The following UTY variants were observed in gnomAD, a reference collection of about 807,000 sequenced individuals.
UTY encodes histone demethylase UTY.
UTY carries 12 observed loss-of-function variants against 32.5 expected under a neutral mutation model. The observed-to-expected ratio is 0.37, with a 90% CI of 0.24 to 0.60. The LOEUF is 0.60. Ranked by LOEUF, UTY falls within the 20% of genes least tolerant of loss-of-function variation. The probability of loss-of-function intolerance (pLI) is 0.69; values close to 1 mark genes in which losing one functional copy is unlikely to be tolerated. For synonymous variants in UTY, 131 were observed against 103.4 expected, an observed-to-expected ratio of 1.27 and a Z score of -1.62; for missense variants, 303 against 299.2, an observed-to-expected ratio of 1.01 and a Z score of -0.09.
intron 27 of UTY, among the ~76,000 whole-genome samples, chrY:13,289,680 C>T: frequency 3.0e-5 from 1 of 33,758 alleles, no homozygotes; most frequent in East Asian, 7.7e-4. Flanking sequence ...TCTACAACTA[C>T]GTCTCTGAGA....
intron 4 of UTY, among the ~76,000 whole-genome samples, chrY:13,448,076 T>G: frequency 2.9e-5 from 1 of 33,904 alleles, no homozygotes; most frequent in Non-Finnish European, 7.4e-5. Context: ...CTAGAGTGGT[T>G]GCATCATTTT....
At chrY:13,434,671 A>G (rs2074365553) in intron 4 of UTY, among the ~76,000 whole-genome samples, 1 of 34,223 alleles carries the variant, frequency 2.9e-5, no homozygotes, top group African/African-American at 1.1e-4. Context: ...TCAAAAGGAT[A>G]AAACACACAT....
At chrY:13,272,816 G>A in intron 27 of UTY, among the ~76,000 whole-genome samples, 1 of 33,272 alleles carries the variant, frequency 3.0e-5, no homozygotes, top group Admixed American at 2.7e-4. Flanking sequence ...TCACTGCTGT[G>A]ACCTATACCT....
chrY:13,405,945 G>A, intron 6 of UTY, among the ~76,000 whole-genome samples: 3 of 32,379 alleles, frequency 9.3e-5, no homozygotes, highest in Admixed American at 8.6e-4. Flanking sequence ...AATCGTGTTC[G>A]ATGAATTTTA....
chrY:13,468,905 G>A (rs2078183273), intron 3 of UTY, among the ~76,000 whole-genome samples: 1 of 32,902 alleles, frequency 3.0e-5, no homozygotes, highest in African/African-American at 1.2e-4. Context: ...AACAAAAAAT[G>A]AGGTACATCA....
At chrY:13,372,400 T>G (rs956549404) in intron 8 of UTY, among the ~76,000 whole-genome samples, 19 of 33,092 alleles carry the variant, frequency 5.7e-4, no homozygotes, top group Admixed American at 5.0e-3. Flanking sequence ...AATATCCACA[T>G]TGAAAATAAT....
At chrY:13,464,810 T>A in intron 3 of UTY, among the ~76,000 whole-genome samples, 1 of 33,384 alleles carries the variant, frequency 3.0e-5, no homozygotes, top group Non-Finnish European at 7.4e-5. Flanking sequence ...CTGAGTGCAG[T>A]GGCTCACACC....
intron 27 of UTY, among the ~76,000 whole-genome samples, chrY:13,266,145 G>GT (rs2055764683): frequency 3.1e-5 from 1 of 32,552 alleles, no homozygotes; most frequent in Non-Finnish European, 7.6e-5. Flanking sequence ...CTGGTGCTGA[G>GT]TTTTTTTTGG....
intron 28 of UTY, among the ~76,000 whole-genome samples, chrY:13,242,892 G>C: frequency 3.0e-5 from 1 of 32,983 alleles, no homozygotes; most frequent in Non-Finnish European, 7.4e-5. Flanking sequence ...AGTGGTGGGA[G>C]AAATTGTAGG....
chrY:13,238,507 A>G (rs894052589), intron 28 of UTY, among the ~76,000 whole-genome samples: 3 of 33,362 alleles, frequency 9.0e-5, no homozygotes, highest in African/African-American at 3.5e-4. Context: ...CAGCATCAGA[A>G]TAAGTCACCT....
At chrY:13,358,695 T>C (rs534697007) in intron 13 of UTY, 76 bp from the exon 14 acceptor site, 2 of 245,765 alleles carry the variant, frequency 8.1e-6, no homozygotes, top group Non-Finnish European at 1.2e-5. Context: ...TAAAACTTCA[T>C]ATACTTTTCA....
chrY:13,355,690 A>G, intron 16 of UTY: 2 of 350,221 alleles, frequency 5.7e-6, no homozygotes, highest in Non-Finnish European at 7.7e-6. Flanking sequence ...TTCAGTTTAC[A>G]TTCTTGTCAA....
chrY:13,383,303 A>C (rs770057791), intron 8 of UTY, among the ~76,000 whole-genome samples: 1,864 of 29,237 alleles, frequency 0.064, no homozygotes, highest in Non-Finnish European at 0.11. Context: ...AAAAAAAAAC[A>C]ACCAAAAAAC....
chrY:13,347,324 A>G, intron 17 of UTY, among the ~76,000 whole-genome samples: 1 of 33,167 alleles, frequency 3.0e-5, no homozygotes, highest in Non-Finnish European at 7.4e-5. Flanking sequence ...GATGCAAGAC[A>G]TGTTTTTCTC....
chrY:13,299,933 G>A, intron 25 of UTY: 1 of 124,527 alleles, frequency 8.0e-6, no homozygotes, highest in Non-Finnish European at 1.0e-5. Context: ...GAAAACTCTA[G>A]TTAGAAATCA....
At chrY:13,437,850 C>CA (rs2074769193) in intron 4 of UTY, among the ~76,000 whole-genome samples, 2 of 24,910 alleles carry the variant, frequency 8.0e-5, no homozygotes, top group East Asian at 1.0e-3. Flanking sequence ...AAAGTGACAT[C>CA]AAAAAAAAAG....
At chrY:13,419,032 C>T in intron 4 of UTY, among the ~76,000 whole-genome samples, 4 of 33,078 alleles carry the variant, frequency 1.2e-4, no homozygotes, top group East Asian at 7.9e-4. Context: ...CTTGATTTAC[C>T]GCACTAACCC....
At chrY:13,450,300 A>G (rs756162030) in intron 3 of UTY, among the ~76,000 whole-genome samples, 30 of 33,486 alleles carry the variant, frequency 9.0e-4, no homozygotes, top group South Asian at 4.6e-3. Flanking sequence ...CTAAGAAAAT[A>G]AACTAAGTTC....
chrY:13,234,257 G>C (rs1030504531), downstream of UTY, among the ~76,000 whole-genome samples: 6 of 34,461 alleles, frequency 1.7e-4, no homozygotes, highest in Non-Finnish European at 3.6e-4. Flanking sequence ...GGCAGCTGTA[G>C]GTGCCGGCAT....
Sources: allele counts gnomAD v4.1 joint callset (sites outside exome capture counted in the v4.1 genomes callset), GRCh38; gene constraint gnomAD v4.1.1; transcripts MANE v1.5; gene names NCBI Gene and HGNC (gene_info 2026-07-23, HGNC 2026-07-21).